The following MAP3K20 variants were observed in gnomAD, a reference collection of about 807,000 sequenced individuals.
MAP3K20 encodes mitogen-activated protein kinase kinase kinase 20, also known as HCCS-4.
A neutral mutation model predicts 85.7 loss-of-function variants in MAP3K20; 40 were observed. The ratio of observed to expected loss-of-function variants is 0.47; its 90% CI spans 0.36 to 0.61. The LOEUF (loss-of-function observed/expected upper bound fraction) is 0.61, where lower values mean the gene tolerates loss of function less well. Ranked by LOEUF, MAP3K20 falls within the 20% of genes least tolerant of loss-of-function variation. The pLI, the probability that MAP3K20 is intolerant of heterozygous loss-of-function variation, is 0.00. For synonymous variants in MAP3K20, 325 were observed against 327.7 expected (o/e 0.99, Z 0.09); for missense variants, 817 against 961.7 (o/e 0.85, Z 1.99).
At chr2:173,222,435 A>T in intron 11 of MAP3K20, 1 of 985,816 alleles carries the variant, frequency 1.0e-6, no homozygotes, top group Non-Finnish European at 1.2e-6. Flanking sequence ...CTTTCATACC[A>T]CTGCTGGCCA....
intron 16 of MAP3K20, among the ~76,000 whole-genome samples, chr2:173,243,674 G>A (rs1191014163): frequency 6.6e-6 from 1 of 152,214 alleles, no homozygotes; most frequent in Non-Finnish European, 1.5e-5. Flanking sequence ...CCAGAGTGCA[G>A]TGGCGCTATC....
intron 2 of MAP3K20, among the ~76,000 whole-genome samples, chr2:173,164,964 A>C (rs181034152): frequency 6.6e-6 from 1 of 152,286 alleles, no homozygotes; most frequent in East Asian, 1.9e-4. Context: ...CTGATAAAGG[A>C]AAGAGGAAAG....
chr2:173,188,743 T>C (rs1690566305), intron 5 of MAP3K20, among the ~76,000 whole-genome samples: 1 of 152,210 alleles, frequency 6.6e-6, no homozygotes, highest in African/African-American at 2.4e-5. Flanking sequence ...TTATCATGTA[T>C]TCTTTGGTTC....
chr2:173,229,725 G>C lies in MAP3K20; in HGVS notation c.1024G>C (p.Asp342His). Residue 342 changes from aspartate (D) to histidine (H), a missense_variant, in exon 12 of 20, where the codon GAC becomes CAC. This residue lies in a region of MAP3K20 where 158 missense variants were observed against 162.0 expected (regional missense o/e 0.98). Coordinates refer to ENST00000375213, the MANE Select transcript of MAP3K20 (RefSeq NM_016653.3). ...CTTTGAGATTGGTGCATGGACGGAA[G>C]ACGATGTGGTAAGCTCTTTGTATTC... is the stretch of plus-strand genomic sequence containing the variant. ...PSFEIGAWTE[D>H]DVYCWVQQLV... 6.2e-7 allele frequency: 1 copy of C among 1,614,110 alleles called. No individual in the cohort carries two copies. Among genetic ancestry groups the C allele is most frequent in the Non-Finnish European group, 8.5e-7 (1 of 1,180,010 alleles).
chr2:173,143,699 A>G (rs1689041937), intron 2 of MAP3K20, among the ~76,000 whole-genome samples: 1 of 152,208 alleles, frequency 6.6e-6, no homozygotes, highest in Admixed American at 6.5e-5. Context: ...AAAGAAACAA[A>G]AGGCATTAAG....
At chr2:173,251,770 CATTTT>C (rs963561129) in intron 16 of MAP3K20, among the ~76,000 whole-genome samples, 6 of 152,144 alleles carry the variant, frequency 3.9e-5, no homozygotes, top group Non-Finnish European at 5.9e-5. Flanking sequence ...AAAATCTGTG[CATTTT>C]ATTATATGCA....
intron 10 of MAP3K20, among the ~76,000 whole-genome samples, chr2:173,214,928 C>T (rs1684025147): frequency 6.6e-6 from 1 of 152,194 alleles, no homozygotes; most frequent in South Asian, 2.1e-4. Flanking sequence ...TAACCTCACA[C>T]ACGATTTGAC....
chr2:173,242,141 A>T (rs78990791), intron 16 of MAP3K20, among the ~76,000 whole-genome samples: 1 of 152,092 alleles, frequency 6.6e-6, no homozygotes, highest in African/African-American at 2.4e-5. Flanking sequence ...TCCTTGGAAA[A>T]GATTTGTGAA....
At chr2:173,252,284 C>T (rs987428657) in intron 16 of MAP3K20, among the ~76,000 whole-genome samples, 2 of 152,204 alleles carry the variant, frequency 1.3e-5, no homozygotes, top group Non-Finnish European at 2.9e-5. Flanking sequence ...TTAGCATCAA[C>T]TGAGTGTCGT....
intron 4 of MAP3K20, among the ~76,000 whole-genome samples, chr2:173,183,693 G>A (rs1348256360): frequency 1.3e-5 from 2 of 151,768 alleles, no homozygotes; most frequent in African/African-American, 2.4e-5. Flanking sequence ...AATGAACACC[G>A]ATAGTTATAT....
intron 1 of MAP3K20, among the ~76,000 whole-genome samples, chr2:173,077,763 G>A (rs1313296263): frequency 6.6e-6 from 1 of 152,124 alleles, no homozygotes; most frequent in Non-Finnish European, 1.5e-5. Context: ...TAATCTTTTA[G>A]GGAATATATA....
intron 2 of MAP3K20, among the ~76,000 whole-genome samples, chr2:173,155,650 T>C (rs1237566652): frequency 2.6e-5 from 4 of 152,226 alleles, no homozygotes; most frequent in African/African-American, 7.2e-5. Flanking sequence ...CTGAAAGTAC[T>C]GAGGGGCATA....
intron 2 of MAP3K20, among the ~76,000 whole-genome samples, chr2:173,131,418 G>A (rs1205310827): frequency 6.6e-6 from 1 of 152,058 alleles, no homozygotes; most frequent in African/African-American, 2.4e-5. Context: ...GGAATTCAAC[G>A]ATTTCATTTT....
chr2:173,201,900 G>A (rs1177316020), intron 8 of MAP3K20, among the ~76,000 whole-genome samples: 3 of 152,078 alleles, frequency 2.0e-5, no homozygotes, highest in African/African-American at 4.8e-5. Flanking sequence ...TAATGACTTC[G>A]ATGTGGTATC....
chr2:173,127,503 T>G (rs1407998291), intron 2 of MAP3K20, among the ~76,000 whole-genome samples: 1 of 151,962 alleles, frequency 6.6e-6, no homozygotes, highest in Non-Finnish European at 1.5e-5. Flanking sequence ...TTTTGAAGAG[T>G]TTTTGGCAGA....
chr2:173,149,433 A>T (rs1030537863), intron 2 of MAP3K20, among the ~76,000 whole-genome samples: 8 of 146,416 alleles, frequency 5.5e-5, no homozygotes, highest in Non-Finnish European at 1.2e-4. Flanking sequence ...GATGTTAACA[A>T]TGGGTGAGGG....
intron 2 of MAP3K20, among the ~76,000 whole-genome samples, chr2:173,122,440 C>T (rs1200385400): frequency 6.6e-6 from 1 of 152,158 alleles, no homozygotes; most frequent in Non-Finnish European, 1.5e-5. Context: ...TGTTCTTTCC[C>T]CCTGTGCACT....
intron 2 of MAP3K20, among the ~76,000 whole-genome samples, chr2:173,118,754 TG>T (rs1688195607): frequency 6.6e-6 from 1 of 152,244 alleles, no homozygotes; most frequent in Non-Finnish European, 1.5e-5. Context: ...CATCATTTTT[TG>T]TATTTACATC....
intron 1 of MAP3K20, among the ~76,000 whole-genome samples, chr2:173,086,417 A>G (rs1356445190): frequency 2.6e-5 from 4 of 152,206 alleles, no homozygotes; most frequent in Admixed American, 6.5e-5. Context: ...GGAAATCTCA[A>G]CCAAGTTTTT....
Sources: gnomAD v4.1 joint callset for allele counts (sites outside exome capture counted in the v4.1 genomes callset) on GRCh38, gnomAD v4.1.1 for gene constraint, gnomAD v4.1.1 regional missense constraint, MANE v1.5 for transcripts, NCBI Gene and HGNC (gene_info 2026-07-23, HGNC 2026-07-21) for gene names.